Variants in RFX2 observed in about 807,000 individuals in gnomAD.
RFX2 encodes the protein regulatory factor X2, also known as DNA-binding protein RFX2.
A neutral mutation model predicts 87.8 loss-of-function variants in RFX2; 20 were observed. That is an observed-to-expected ratio of 0.23 (90% CI 0.16 to 0.33). The LOEUF is 0.33. RFX2 is among the 10% of genes least tolerant of loss of function. The pLI, the probability that RFX2 is intolerant of heterozygous loss-of-function variation, is 1.00. For synonymous variants in RFX2, 397 were observed against 431.3 expected (o/e 0.92, Z 0.98); for missense variants, 767 against 1,012.3 (o/e 0.76, Z 3.29).
intron 1 of RFX2, among the ~76,000 whole-genome samples, chr19:6,058,530 C>T (rs1275223966): frequency 6.6e-6 from 1 of 151,810 alleles, no homozygotes; most frequent in African/African-American, 2.4e-5. Context: ...GGCTTCAATG[C>T]ACACCAAGGG....
chr19:6,026,411 G>A lies in RFX2; in HGVS notation c.523-174C>T. 1.6e-6 allele frequency: 1 copy of A among 623,034 alleles called. No individual in the cohort carries two copies. The allele number at this position is 623,034 out of a possible 1,614,324, so 38.6% of individuals were successfully genotyped here. A position where few individuals can be genotyped will look rare whatever the true frequency, so the allele number is the denominator to read the frequency against. ...GCAGGGCGGGGGTGAGTTAAATTGTGCATGAAAGCTGCGGTAGGGAGTGTT... is the reference window on the plus strand; with the variant it reads ...GCAGGGCGGGGGTGAGTTAAATTGTACATGAAAGCTGCGGTAGGGAGTGTT... On this transcript the variant is annotated intron_variant, in intron 5 of 17. Transcript: ENST00000303657. The surrounding 1 kb of genome is among the most constrained non-coding windows in gnomAD (Gnocchi z 4.5).
Position 6,044,362 on chromosome 19 carries a change from TTGTC to T in RFX2, c.91-84_91-81del. On this transcript the variant is annotated intron_variant, in intron 2 of 17. Transcript: ENST00000303657. This position sits in a 1 kb window ranked among gnomAD's most constrained non-coding sequence, Gnocchi z 5.3. ...ATACACACAGAATGTAAGATGCTGT[TTGTC>T]TGTTCATGTGCTTTTTATTAAAACA... 1 of 905,184 alleles carries T rather than the reference TTGTC, an allele frequency of 1.1e-6. No homozygotes were observed. The highest frequency in any genetic ancestry group is 3.2e-5 in the East Asian group (1 of 30,900). The allele number at this position is 905,184 out of a possible 1,614,324, so 56.1% of individuals were successfully genotyped here.
intron 1 of RFX2, chr19:6,072,940 G>A: frequency 5.1e-6 from 4 of 785,378 alleles, no homozygotes; most frequent in Non-Finnish European, 6.5e-6. Context: ...GAAACCCAGA[G>A]GTATTGACAA....
At position 5,994,805 on chromosome 19, in the gene RFX2, G is replaced by A. The variant is rs781211158; in HGVS notation, c.*30C>T. 2.7e-6 allele frequency: 4 copies of A among 1,464,272 alleles called. No individual in the cohort carries two copies. The African/African-American group carries it at 5.6e-5, about 20-fold the overall frequency. 90.7% of individuals were successfully genotyped at this position (1,464,272 alleles called of 1,614,324 possible). On this transcript the variant is annotated 3_prime_UTR_variant, in exon 18 of 18. Coordinates refer to ENST00000303657, the MANE Select transcript of RFX2 (RefSeq NM_000635.4). ...CCAGAGTGACCAGGCGGCATCTTTT[G>A]GAACCTCGAGGAGGCGCCGGCCGGG...
intron 5 of RFX2, among the ~76,000 whole-genome samples, chr19:6,030,311 A>G (rs1178945192): frequency 6.6e-6 from 1 of 152,228 alleles, no homozygotes; most frequent in East Asian, 1.9e-4. Flanking sequence ...TGATTTCTCA[A>G]CAGAAACCAT....
At position 6,083,667 on chromosome 19, in the gene RFX2, A is replaced by G. The variant is rs1419203584; in HGVS notation, c.-9+26726T>C. Among the ~76,000 whole-genome samples the G allele has an allele frequency of 1.3e-5, 2 of 151,468 alleles. No homozygotes were observed. Among genetic ancestry groups the G allele is most frequent in the Admixed American group, 6.6e-5 (1 of 15,170 alleles). The stretch of plus-strand genomic sequence containing the variant: ...GGCTCACTGCAGCCTCCACTTCCAG[A>G]GCTCAAGTGATCCTCCTGCTCAGCT... On this transcript the variant is annotated intron_variant, in intron 1 of 17. Coordinates refer to ENST00000303657, the MANE Select transcript of RFX2 (RefSeq NM_000635.4). This position sits in a 1 kb window ranked among gnomAD's most constrained non-coding sequence, Gnocchi z 4.6.
At chr19:6,042,959 T>G (rs1053023402) in intron 3 of RFX2, among the ~76,000 whole-genome samples, 1 of 152,206 alleles carries the variant, frequency 6.6e-6, no homozygotes, top group Non-Finnish European at 1.5e-5. Context: ...GGTGTCATGG[T>G]GTCATGGTGA....
rs1201238821 is a variant in RFX2, at chr19:6,074,841, G to A, written c.-8-27337C>T. On this transcript the variant is annotated intron_variant, in intron 1 of 17. Transcript: ENST00000303657. The surrounding 1 kb of genome is among the most constrained non-coding windows in gnomAD (Gnocchi z 5.2). ...GCACACGGGACATGTGGGGTCACAC[G>A]GGTCACGTGAGGAGGCCACCAGAGG... 2.6e-5 allele frequency among the ~76,000 whole-genome samples: 4 copies of A among 152,320 alleles called. No homozygotes were observed. The highest frequency in any genetic ancestry group is 1.9e-4 in the East Asian group (1 of 5,158).
rs551544335 is a variant in RFX2 at position 6,040,359 on chromosome 19, T to C, written c.261-118A>G. On this transcript the variant is annotated intron_variant, in intron 4 of 17. Coordinates refer to ENST00000303657, the MANE Select transcript of RFX2 (RefSeq NM_000635.4). This position sits in a 1 kb window ranked among gnomAD's most constrained non-coding sequence, Gnocchi z 6.1. ...CTGCAACCCAGAGAGGCCAGACATA[T>C]GGAGCAATTCGGACGTGGCATATGA... The C allele has an allele frequency of 9.9e-6, 11 of 1,107,736 alleles. No homozygotes were observed. The East Asian group carries it at 2.0e-4, about 20-fold the overall frequency. 68.6% of individuals were successfully genotyped at this position (1,107,736 alleles called of 1,614,324 possible).
At position 6,007,183 on chromosome 19, in the gene RFX2, G is replaced by T. The variant is rs766142694; in HGVS notation, c.1248-17C>A. The T allele has an allele frequency of 2.5e-6, 4 of 1,611,084 alleles. No homozygotes were observed. The East Asian group carries it at 6.7e-5, about 27-fold the overall frequency. ...TCTTCGTCACTGTGGAGGGAGGGGG[G>T]ACAGGTGAGCTGTGGCCTGGCCCAG... is the stretch of plus-strand genomic sequence containing the variant. On this transcript the variant is annotated splice_polypyrimidine_tract_variant and intron_variant, in intron 11 of 17. Transcript: ENST00000303657. The surrounding 1 kb of genome is among the most constrained non-coding windows in gnomAD (Gnocchi z 8.2).
chr19:6,098,071 C>A (rs1167008258), intron 1 of RFX2, among the ~76,000 whole-genome samples: 1 of 152,084 alleles, frequency 6.6e-6, no homozygotes, highest in African/African-American at 2.4e-5. Context: ...TATCACACAG[C>A]ATTGAACATT....
chr19:6,062,297 G>A (rs2087446373), intron 1 of RFX2, among the ~76,000 whole-genome samples: 1 of 152,182 alleles, frequency 6.6e-6, no homozygotes, highest in African/African-American at 2.4e-5. Context: ...CAGACTGCGG[G>A]CAAAGCTGGT....
chr19:6,089,570 G>C (rs2087904306), intron 1 of RFX2, among the ~76,000 whole-genome samples: 1 of 152,148 alleles, frequency 6.6e-6, no homozygotes, highest in Admixed American at 6.5e-5. Flanking sequence ...TGGGATTAGG[G>C]TCCTTGCAAA....
chr19:5,997,377 G>C lies in RFX2; in HGVS notation c.1860-164C>G. 1 of 786,024 alleles carries C rather than the reference G, an allele frequency of 1.3e-6. No individual in the cohort carries two copies. Among genetic ancestry groups the C allele is most frequent in the South Asian group, 2.0e-5 (1 of 48,988 alleles). 48.7% of individuals were successfully genotyped at this position (786,024 alleles called of 1,614,324 possible). On this transcript the variant is annotated intron_variant, in intron 15 of 17. Transcript: ENST00000303657. The surrounding 1 kb of genome is among the most constrained non-coding windows in gnomAD (Gnocchi z 4.2). ...AGGCCTACGCGGGGGCTGACGGGCT[G>C]CCGAGACCCTGGGCCCACGTGACGG...
chr19:5,996,112 T>C (rs1307868541), intron 16 of RFX2, among the ~76,000 whole-genome samples: 2 of 152,094 alleles, frequency 1.3e-5, no homozygotes, highest in East Asian at 3.9e-4. Context: ...ACTCTTAGAG[T>C]GCTGTGGCTT....
Position 5,997,421 on chromosome 19 carries a change from C to T in RFX2, c.1860-208G>A, listed in dbSNP as rs1289716006. On this transcript the variant is annotated intron_variant, in intron 15 of 17. Transcript: ENST00000303657. The surrounding 1 kb of genome is among the most constrained non-coding windows in gnomAD (Gnocchi z 4.2). ...GTGACGGACAGGTGGGGCCGGCCTG[C>T]GCGCTCAGTTCCAGAGACCACCTGG... 2.3e-5 allele frequency: 13 copies of T among 559,828 alleles called. No individual in the cohort carries two copies. Among genetic ancestry groups the T allele is most frequent in the Middle Eastern group, 4.8e-4 (1 of 2,082 alleles). 34.7% of individuals were successfully genotyped at this position (559,828 alleles called of 1,614,324 possible).
chr19:6,003,650 GCA>G (rs1568499865), intron 13 of RFX2, among the ~76,000 whole-genome samples: 1 of 151,820 alleles, frequency 6.6e-6, no homozygotes, highest in African/African-American at 2.4e-5. Context: ...GTGGTGGCGG[GCA>G]CCTGTAATCC....
In RFX2 at chr19:6,012,879, T is replaced by G; in HGVS notation, c.899+107A>C. 2 of 1,181,922 alleles carry G rather than the reference T, an allele frequency of 1.7e-6. No individual in the cohort carries two copies. Among genetic ancestry groups the G allele is most frequent in the Admixed American group, 5.9e-5 (2 of 33,918 alleles). The allele number at this position is 1,181,922 out of a possible 1,614,324, so 73.2% of individuals were successfully genotyped here. A position where few individuals can be genotyped will look rare whatever the true frequency, so the allele number is the denominator to read the frequency against. On this transcript the variant is annotated intron_variant, in intron 8 of 17. Transcript: ENST00000303657. The surrounding 1 kb of genome is among the most constrained non-coding windows in gnomAD (Gnocchi z 4.6). ...GGGGGATACCTTGGCTTTCCCAGGA[T>G]GCTGGAGACTGGGGAGTTATGATGA... is the stretch of plus-strand genomic sequence containing the variant.
At position 6,083,026 on chromosome 19, in the gene RFX2, C is replaced by T. The variant is rs1194667241; in HGVS notation, c.-9+27367G>A. Among the ~76,000 whole-genome samples the T allele has an allele frequency of 1.3e-5, 2 of 152,160 alleles. No homozygotes were observed. The highest frequency in any genetic ancestry group is 1.5e-5 in the Non-Finnish European group (1 of 68,028). ...CAAACACGGCTCGCTGCAGCCTCAA[C>T]CTCCCTGGGCTCAGGGAGTACGGGC... On this transcript the variant is annotated intron_variant, in intron 1 of 17. Coordinates refer to ENST00000303657, the MANE Select transcript of RFX2 (RefSeq NM_000635.4). The surrounding 1 kb of genome is among the most constrained non-coding windows in gnomAD (Gnocchi z 4.6).
Sources: allele counts gnomAD v4.1 joint callset (sites outside exome capture counted in the v4.1 genomes callset), GRCh38; gene constraint gnomAD v4.1.1; non-coding constraint Gnocchi (gnomAD v3.1); transcripts MANE v1.5; gene names NCBI Gene and HGNC (gene_info 2026-07-23, HGNC 2026-07-21).